The following LRRC7 variants were observed in gnomAD, a reference collection of about 807,000 sequenced individuals.
LRRC7 encodes leucine rich repeat containing 7, also known as leucine-rich repeat-containing protein 7.
Under a neutral mutation model 175.7 loss-of-function variants are expected in LRRC7, and 23 were observed. The observed-to-expected ratio is 0.13, with a 90% CI of 0.09 to 0.19. LRRC7 has a LOEUF of 0.19. Among genes scored for constraint, LRRC7 ranks in the 10% least tolerant of loss-of-function variants. The probability of loss-of-function intolerance (pLI) is 1.00; values close to 1 mark genes in which losing one functional copy is unlikely to be tolerated. For missense variants in LRRC7, 1,354 were observed against 1,904.7 expected, an observed-to-expected ratio of 0.71 and a Z score of 5.38; for synonymous variants, 685 against 680.9, an observed-to-expected ratio of 1.01 and a Z score of -0.09.
intron 1 of LRRC7, among the ~76,000 whole-genome samples, chr1:69,657,856 T>C (rs1229297130): frequency 6.6e-6 from 1 of 152,068 alleles, no homozygotes; most frequent in Non-Finnish European, 1.5e-5. Context: ...TTATTTATCC[T>C]CTGTGCTTTT....
intron 7 of LRRC7, chr1:69,875,008 T>C (rs1223223080): frequency 6.6e-6 from 1 of 152,098 alleles, no homozygotes; most frequent in Non-Finnish European, 1.5e-5. Flanking sequence ...TTCCTGACAT[T>C]GCTGTAGAAT....
chr1:69,761,889 C>T (rs976912041), intron 3 of LRRC7, among the ~76,000 whole-genome samples: 1 of 151,884 alleles, frequency 6.6e-6, no homozygotes, highest in African/African-American at 2.4e-5. Flanking sequence ...TATAAGTTTG[C>T]ATAAGTCATA....
chr1:69,982,838 A>G (rs991462447), intron 9 of LRRC7, among the ~76,000 whole-genome samples: 6 of 152,214 alleles, frequency 3.9e-5, no homozygotes, highest in African/African-American at 1.2e-4. Flanking sequence ...TCAACATTCA[A>G]TATCCTCAAG....
intron 5 of LRRC7, among the ~76,000 whole-genome samples, chr1:69,832,004 T>A (rs2101301991): frequency 6.6e-6 from 1 of 152,302 alleles, no homozygotes; most frequent in East Asian, 1.9e-4. Context: ...TTACTAAGAA[T>A]GTATAAAGAA....
At position 70,124,784 on chromosome 1, in the gene LRRC7, C is replaced by T. The variant is rs1231244647; in HGVS notation, c.*2897C>T. ...AAAAAAAAAGAAAAATCAATAACAA[C>T]AAAAAGAACTGGAATTCATGATGGC... On this transcript the variant is annotated 3_prime_UTR_variant, in exon 27 of 27. Coordinates refer to ENST00000651989, the MANE Select transcript of LRRC7 (RefSeq NM_001370785.2). Among the ~76,000 whole-genome samples, 1 of 149,734 alleles carries T rather than the reference C, an allele frequency of 6.7e-6. No individual in the cohort carries two copies. Among genetic ancestry groups the T allele is most frequent in the African/African-American group, 2.5e-5 (1 of 40,816 alleles).
At chr1:69,745,747 A>G (rs1557675466) in intron 2 of LRRC7, among the ~76,000 whole-genome samples, 2 of 151,318 alleles carry the variant, frequency 1.3e-5, no homozygotes, top group African/African-American at 2.4e-5. Context: ...TTGTGTATGT[A>G]TTTCTTAGTG....
intron 2 of LRRC7, among the ~76,000 whole-genome samples, chr1:69,681,609 T>C (rs534679025): frequency 6.6e-6 from 1 of 152,170 alleles, no homozygotes; most frequent in African/African-American, 2.4e-5. Context: ...TTTTTAAACA[T>C]GTTTAAGGTA....
At chr1:69,663,112 T>G (rs1486108665) in intron 1 of LRRC7, among the ~76,000 whole-genome samples, 1 of 152,184 alleles carries the variant, frequency 6.6e-6, no homozygotes, top group Non-Finnish European at 1.5e-5. Context: ...TTCTTCTTTT[T>G]CCATAAGAAT....
At chr1:69,722,109 T>C (rs1666424299) in intron 2 of LRRC7, among the ~76,000 whole-genome samples, 2 of 150,704 alleles carry the variant, frequency 1.3e-5, no homozygotes, top group Admixed American at 1.3e-4. Flanking sequence ...TTTCCAGAAA[T>C]AGTTTTCACA....
At position 69,714,620 on chromosome 1, in the gene LRRC7, G is replaced by A. The variant is rs1475979970; in HGVS notation, c.100+36142G>A. ...AGTAGAAGGGCAGTCCTAGCGGGAG[G>A]AACAACATGAACAAAGATGTAGTGG... On this transcript the variant is annotated intron_variant, in intron 2 of 26. Transcript: ENST00000651989. Among the ~76,000 whole-genome samples, 3 of 152,254 alleles carry A rather than the reference G, an allele frequency of 2.0e-5. No homozygotes were observed. In the East Asian group the frequency reaches 5.8e-4, roughly 29 times the overall value.
chr1:70,052,354 C>T lies in LRRC7; in HGVS notation c.4111-672C>T, dbSNP rs138793753. ...ATCAGCCAAAATAAAATATTTATGA[C>T]GAGTTTAAATTTTAATATATATCAT... On this transcript the variant is annotated intron_variant, in intron 22 of 26. Coordinates refer to ENST00000651989, the MANE Select transcript of LRRC7 (RefSeq NM_001370785.2). Among the ~76,000 whole-genome samples the T allele has an allele frequency of 3.0e-4, 45 of 151,618 alleles. 1 individual carries two copies. Among genetic ancestry groups the T allele is most frequent in the East Asian group, 5.8e-4 (3 of 5,172 alleles).
At chr1:69,963,122 G>C (rs1651292762) in intron 8 of LRRC7, among the ~76,000 whole-genome samples, 1 of 151,864 alleles carries the variant, frequency 6.6e-6, no homozygotes, top group African/African-American at 2.4e-5. Flanking sequence ...TGGCCAGCCT[G>C]GTGAAAGCCT....
intron 1 of LRRC7, 106 bp from the exon 2 acceptor site, chr1:69,678,275 G>T: frequency 2.6e-6 from 2 of 764,732 alleles, no homozygotes; most frequent in Non-Finnish European, 4.3e-6. Flanking sequence ...TCTTCATGGT[G>T]TTGTCTAGCA....
chr1:69,835,127 T>G (rs940073481), intron 6 of LRRC7, among the ~76,000 whole-genome samples: 6 of 151,782 alleles, frequency 4.0e-5, no homozygotes, highest in African/African-American at 1.5e-4. Flanking sequence ...AGCCAGAAAT[T>G]ATCTGAGGGA....
At chr1:69,776,288 A>G (rs1424347520) in intron 3 of LRRC7, among the ~76,000 whole-genome samples, 1 of 152,202 alleles carries the variant, frequency 6.6e-6, no homozygotes, top group Non-Finnish European at 1.5e-5. Context: ...TCTGCAAAAC[A>G]TAACCTTTCA....
intron 8 of LRRC7, among the ~76,000 whole-genome samples, chr1:69,950,371 C>T (rs531337321): frequency 6.6e-6 from 1 of 152,088 alleles, no homozygotes; most frequent in South Asian, 2.1e-4. Flanking sequence ...GGAGTGATGA[C>T]AGAAGACAAG....
intron 3 of LRRC7, among the ~76,000 whole-genome samples, chr1:69,764,980 G>A (rs1671470128): frequency 6.6e-6 from 1 of 152,044 alleles, no homozygotes; most frequent in Middle Eastern, 3.4e-3. Flanking sequence ...AAAATATTGT[G>A]GCATGACATT....
chr1:69,906,774 C>T (rs904814937), intron 7 of LRRC7, among the ~76,000 whole-genome samples: 22 of 151,780 alleles, frequency 1.4e-4, no homozygotes, highest in East Asian at 3.9e-4. Flanking sequence ...AACTTTAAAG[C>T]AGTTTTTTCC....
At chr1:69,819,593 G>C (rs1452720747) in intron 4 of LRRC7, among the ~76,000 whole-genome samples, 1 of 151,130 alleles carries the variant, frequency 6.6e-6, no homozygotes, top group Admixed American at 6.6e-5. Context: ...GTGTGTGTGT[G>C]TGTGTGTGTG....
Sources: gnomAD v4.1 joint callset for allele counts (sites outside exome capture counted in the v4.1 genomes callset) on GRCh38, gnomAD v4.1.1 for gene constraint, MANE v1.5 for transcripts, NCBI Gene and HGNC (gene_info 2026-07-23, HGNC 2026-07-21) for gene names.